The following MGST2 variants were observed in gnomAD, a reference collection of about 807,000 sequenced individuals.
MGST2 encodes the protein glutathione peroxidase MGST2.
A neutral mutation model predicts 16.6 loss-of-function variants in MGST2; 9 were observed. That is an observed-to-expected ratio of 0.54 (90% CI 0.33 to 0.95). The LOEUF (loss-of-function observed/expected upper bound fraction) is 0.95. MGST2 is among the 40% of genes least tolerant of loss of function. The pLI is 0.03. For missense variants in MGST2, 159 were observed against 175.1 expected, an observed-to-expected ratio of 0.91 and a Z score of 0.52; for synonymous variants, 79 against 68.0, an observed-to-expected ratio of 1.16 and a Z score of -0.79.
Position 139,665,923 on chromosome 4 carries a change from TC to T in MGST2, c.-93del. On this transcript the variant is annotated 5_prime_UTR_variant, in exon 1 of 5. Transcript: ENST00000265498. ...GAATCAGCCTTTTCCCCCCACCCGG[TC>T]CCCAACTTTGTTTACCCGATAAGGA... The T allele has an allele frequency of 8.1e-7, 1 of 1,238,940 alleles. No homozygotes were observed. Among genetic ancestry groups the T allele is most frequent in the Admixed American group, 1.8e-5 (1 of 54,324 alleles). 76.7% of individuals were successfully genotyped at this position (1,238,940 alleles called of 1,614,324 possible).
rs376635466 is a variant in MGST2, at chr4:139,691,666, AGATGATGAT to A, written c.159-3506_159-3498del. 6.0e-4 allele frequency among the ~76,000 whole-genome samples: 87 copies of A among 144,076 alleles called. 1 individual carries two copies. Among genetic ancestry groups the A allele is most frequent in the Middle Eastern group, 3.7e-3 (1 of 272 alleles). The allele number at this position is 144,076 out of a possible 152,430, so 94.5% of individuals were successfully genotyped here. A position where few individuals can be genotyped will look rare whatever the true frequency, so the allele number is the denominator to read the frequency against. On this transcript the variant is annotated intron_variant, in intron 2 of 4. Transcript: ENST00000265498. ...CAAACAGGGCACCCCACTGGCAGTCAGATGATGATGATGATGATGATGATGATGATGATT... is the reference window on the plus strand; with the variant it reads ...CAAACAGGGCACCCCACTGGCAGTCAGATGATGATGATGATGATGATGATT...
intron 2 of MGST2, among the ~76,000 whole-genome samples, chr4:139,684,071 C>T (rs1226282576): frequency 6.6e-6 from 1 of 151,964 alleles, no homozygotes; most frequent in African/African-American, 2.4e-5. Context: ...ACTACAGGTG[C>T]CTGCCACCAT....
chr4:139,678,487 C>T, intron 1 of MGST2, 56 bp from the exon 2 acceptor site: 2 of 1,304,948 alleles, frequency 1.5e-6, no homozygotes, highest in Non-Finnish European at 2.2e-6. Flanking sequence ...ATTTGCATTC[C>T]ACTAATGACT....
intron 1 of MGST2, among the ~76,000 whole-genome samples, chr4:139,672,907 C>G (rs1730772705): frequency 6.6e-6 from 1 of 152,082 alleles, no homozygotes; most frequent in Admixed American, 6.5e-5. Context: ...TAAACAACAG[C>G]TTATTTGTAG....
chr4:139,719,210 G>A (rs1728119119), intron 5 of MGST2: 4 of 1,242,576 alleles, frequency 3.2e-6, no homozygotes, highest in Non-Finnish European at 3.3e-6. Context: ...CTGCAGTTTT[G>A]CTCAGTTTAC....
At chr4:139,666,937 TTGAGA>T (rs2110774836) in intron 1 of MGST2, among the ~76,000 whole-genome samples, 1 of 152,350 alleles carries the variant, frequency 6.6e-6, no homozygotes, top group Admixed American at 6.5e-5. Flanking sequence ...CCAGTCTGTT[TTGAGA>T]TTGTATGAAG....
downstream of MGST2, among the ~76,000 whole-genome samples, chr4:139,708,334 G>T (rs917115205): frequency 5.3e-5 from 8 of 152,270 alleles, no homozygotes; most frequent in Middle Eastern, 3.4e-3. Context: ...TTTCCCCATT[G>T]CTTGTTTTTG....
At chr4:139,680,147 T>C (rs894347328) in intron 2 of MGST2, among the ~76,000 whole-genome samples, 6 of 152,256 alleles carry the variant, frequency 3.9e-5, no homozygotes, top group African/African-American at 1.4e-4. Context: ...AATAATTTCA[T>C]GCTCCTTTAC....
chr4:139,691,991 C>T (rs768804545), intron 2 of MGST2, among the ~76,000 whole-genome samples: 5 of 152,146 alleles, frequency 3.3e-5, no homozygotes, highest in African/African-American at 4.8e-5. Context: ...TGAGCCACTG[C>T]GCCCAGCAAT....
At chr4:139,717,121 C>CT (rs1266484721) in intron 5 of MGST2, 1 of 152,458 alleles carries the variant, frequency 6.6e-6, no homozygotes. Context: ...GTACAAATAA[C>CT]TTTTTTTAGA....
Position 139,671,539 on chromosome 4 carries a change from CA to C in MGST2, c.58+5464del, listed in dbSNP as rs8192028. Among the ~76,000 whole-genome samples the C allele has an allele frequency of 2.6e-3, 403 of 152,104 alleles. 4 individuals are homozygous for C. The highest frequency in any genetic ancestry group is 9.4e-3 in the African/African-American group (390 of 41,510). ...GGAGTGCAGTGGTGTGATCTCAGCT[CA>C]ACTGCAGCCTCTGCCTCCCAAGGTC... On this transcript the variant is annotated intron_variant, in intron 1 of 4. Transcript: ENST00000265498.
intron 1 of MGST2, among the ~76,000 whole-genome samples, chr4:139,667,860 GA>G (rs1022829562): frequency 2.0e-5 from 3 of 150,716 alleles, no homozygotes; most frequent in South Asian, 2.1e-4. Context: ...CCATCTCAAA[GA>G]AAAAAAAAAG....
intron 2 of MGST2, among the ~76,000 whole-genome samples, chr4:139,684,695 G>A (rs1327568209): frequency 6.6e-6 from 1 of 152,160 alleles, no homozygotes; most frequent in Non-Finnish European, 1.5e-5. Context: ...AGGGGTTGAA[G>A]GAAAGAGGGG....
At chr4:139,700,937 C>G (rs1253971205) in intron 3 of MGST2, among the ~76,000 whole-genome samples, 2 of 152,190 alleles carry the variant, frequency 1.3e-5, no homozygotes, top group Non-Finnish European at 2.9e-5. Flanking sequence ...AAAGGCAACC[C>G]CATCACTCTC....
At chr4:139,730,450 TGC>T in intron 5 of MGST2, 1 of 1,552,128 alleles carries the variant, frequency 6.4e-7, no homozygotes, top group South Asian at 1.2e-5. Flanking sequence ...CTGCTGCTGC[TGC>T]TGCTGCCTTT....
At chr4:139,737,655 A>G (rs535212728) in intron 5 of MGST2, among the ~76,000 whole-genome samples, 6 of 152,370 alleles carry the variant, frequency 3.9e-5, no homozygotes, top group East Asian at 3.8e-4. Flanking sequence ...TCATTCAACC[A>G]TAAGTGGAAG....
intron 2 of MGST2, among the ~76,000 whole-genome samples, chr4:139,693,628 T>C (rs947014587): frequency 6.6e-5 from 10 of 152,128 alleles, no homozygotes; most frequent in Admixed American, 6.6e-5. Context: ...AAGATGTTAA[T>C]GGAAAGACAA....
chr4:139,705,065 A>G (rs1727467809), downstream of MGST2, among the ~76,000 whole-genome samples: 1 of 152,214 alleles, frequency 6.6e-6, no homozygotes, highest in South Asian at 2.1e-4. Flanking sequence ...TTAATTTTAA[A>G]AAAGAGACGG....
intron 3 of MGST2, among the ~76,000 whole-genome samples, chr4:139,701,957 C>T (rs1398089941): frequency 2.5e-5 from 3 of 118,300 alleles, no homozygotes; most frequent in Non-Finnish European, 5.8e-5. Flanking sequence ...CAGAGCAAGA[C>T]CCTGTCTCAA....
Sources: allele counts gnomAD v4.1 joint callset (sites outside exome capture counted in the v4.1 genomes callset), GRCh38; gene constraint gnomAD v4.1.1; transcripts MANE v1.5; gene names NCBI Gene and HGNC (gene_info 2026-07-23, HGNC 2026-07-21).